Variants in RASSF2 observed in about 807,000 individuals in gnomAD.
RASSF2 encodes the protein Ras association domain family member 2.
In RASSF2, 34 loss-of-function variants were observed where a neutral mutation model predicts 46.3. The observed-to-expected ratio is 0.73, with a 90% CI of 0.56 to 0.98. RASSF2 has a LOEUF of 0.98. Among genes scored for constraint, RASSF2 ranks in the 50% least tolerant of loss-of-function variants. The pLI is 0.00. For synonymous variants in RASSF2, 158 were observed against 162.5 expected (o/e 0.97, Z 0.21); for missense variants, 364 against 431.2 (o/e 0.84, Z 1.38).
At chr20:4,818,575 A>C (rs900626346) in intron 2 of RASSF2, among the ~76,000 whole-genome samples, 3 of 152,228 alleles carry the variant, frequency 2.0e-5, no homozygotes, top group Non-Finnish European at 4.4e-5. Context: ...AGTCAGCCAT[A>C]GTGGGAATAT....
intron 2 of RASSF2, among the ~76,000 whole-genome samples, chr20:4,811,635 A>G (rs1927826985): frequency 6.6e-6 from 1 of 152,070 alleles, no homozygotes; most frequent in South Asian, 2.1e-4. Flanking sequence ...TACTACTAAT[A>G]TTTCCAAGGA....
chr20:4,818,355 C>T (rs1007437689), intron 2 of RASSF2, among the ~76,000 whole-genome samples: 4 of 152,110 alleles, frequency 2.6e-5, no homozygotes, highest in African/African-American at 4.8e-5. Flanking sequence ...TTTGGGGCAG[C>T]GCTTGAACAT....
intron 2 of RASSF2, among the ~76,000 whole-genome samples, chr20:4,803,400 C>G (rs1469507409): frequency 6.6e-6 from 1 of 152,112 alleles, no homozygotes; most frequent in African/African-American, 2.4e-5. Flanking sequence ...CCTGTTGATA[C>G]CTTGATGTTA....
intron 4 of RASSF2, among the ~76,000 whole-genome samples, chr20:4,797,272 C>G (rs1056625033): frequency 6.6e-6 from 1 of 152,176 alleles, no homozygotes; most frequent in African/African-American, 2.4e-5. Context: ...ATACTGTCCC[C>G]AAGCAACCTG....
chr20:4,805,332 G>A (rs1165480468), intron 2 of RASSF2, among the ~76,000 whole-genome samples: 1 of 152,052 alleles, frequency 6.6e-6, no homozygotes, highest in Non-Finnish European at 1.5e-5. Context: ...TGCAGCAGAG[G>A]GAGAAATCTG....
At position 4,802,670 on chromosome 20, in the gene RASSF2, G is replaced by A. The variant is rs552625470; in HGVS notation, c.-32-1608C>T. 9.2e-5 allele frequency among the ~76,000 whole-genome samples: 14 copies of A among 152,120 alleles called. No individual in the cohort carries two copies. In the South Asian group the frequency reaches 2.9e-3, roughly 32 times the overall value. ...TGATTCTTCAAAAAGTAGAACGGTG[G>A]TTGCCAGAGGCTGGGAAGAAGGGGA... On this transcript the variant is annotated intron_variant, in intron 2 of 11. Coordinates refer to ENST00000379400, the MANE Select transcript of RASSF2 (RefSeq NM_014737.3).
chr20:4,809,357 C>A (rs1188908562), intron 2 of RASSF2, among the ~76,000 whole-genome samples: 3 of 152,104 alleles, frequency 2.0e-5, no homozygotes, highest in African/African-American at 7.2e-5. Context: ...TGTGCCCATG[C>A]TCCCCCTCAG....
At position 4,806,865 on chromosome 20, in the gene RASSF2, T is replaced by C. The variant is rs546626298; in HGVS notation, c.-32-5803A>G. On this transcript the variant is annotated intron_variant, in intron 2 of 11. Coordinates refer to ENST00000379400, the MANE Select transcript of RASSF2 (RefSeq NM_014737.3). The stretch of plus-strand genomic sequence containing the variant: ...TCCAGCTAATCTTCTAACTCACCAA[T>C]TGAATTTTCTCCAGGACTCTCTCTT... Among the ~76,000 whole-genome samples the C allele has an allele frequency of 1.2e-4, 19 of 152,340 alleles. No individual in the cohort carries two copies. In the South Asian group the frequency reaches 1.4e-3, roughly 12 times the overall value.
At chr20:4,819,423 G>C (rs1384495128) in intron 2 of RASSF2, among the ~76,000 whole-genome samples, 2 of 152,208 alleles carry the variant, frequency 1.3e-5, no homozygotes, top group South Asian at 2.1e-4. Context: ...TACTTGAGAT[G>C]AGGAAGTGAG....
intron 11 of RASSF2, among the ~76,000 whole-genome samples, chr20:4,784,840 G>T (rs2422980): frequency 6.6e-6 from 1 of 151,864 alleles, no homozygotes; most frequent in South Asian, 2.1e-4. Flanking sequence ...TGCAGAAGAG[G>T]CCATAGCAGC....
Position 4,798,090 on chromosome 20 carries a change from G to A in RASSF2, c.60-5C>T. 6.2e-7 allele frequency: 1 copy of A among 1,613,518 alleles called. No individual in the cohort carries two copies. Among genetic ancestry groups the A allele is most frequent in the Non-Finnish European group, 8.5e-7 (1 of 1,179,636 alleles). ...AGATGCAAGAGAAGTTCATTTCTTA[G>A]GGGGAAAAATAGAAGAGATATAACA... On this transcript the variant is annotated splice_polypyrimidine_tract_variant and splice_region_variant and intron_variant, in intron 3 of 11. Transcript: ENST00000379400.
chr20:4,790,710 C>T lies in RASSF2; in HGVS notation c.377-99G>A. 2.4e-6 allele frequency: 2 copies of T among 829,700 alleles called. No individual in the cohort carries two copies. The highest frequency in any genetic ancestry group is 3.5e-6 in the Non-Finnish European group (2 of 572,766). 51.4% of individuals were successfully genotyped at this position (829,700 alleles called of 1,614,324 possible). A position where few individuals can be genotyped will look rare whatever the true frequency, so the allele number is the denominator to read the frequency against. ...AGTGCGACAGCACCCACTGTCTCCA[C>T]AAATATATATTTTATACAAATAATA... On this transcript the variant is annotated intron_variant, in intron 6 of 11. Coordinates refer to ENST00000379400, the MANE Select transcript of RASSF2 (RefSeq NM_014737.3). This position sits in a 1 kb window ranked among gnomAD's most constrained non-coding sequence, Gnocchi z 4.3.
chr20:4,789,561 AC>A, intron 8 of RASSF2, 34 bp downstream of exon 8: 1 of 1,542,046 alleles, frequency 6.5e-7, no homozygotes. Context: ...CACAGCTGTG[AC>A]CCCATCTGTG....
chr20:4,810,371 C>T lies in RASSF2; in HGVS notation c.-32-9309G>A, dbSNP rs370440758. ...CTCAGCTTCCTGAGAGGAGAGCACA[C>T]ACCAAGTTCTCAAGACGCTCTAGGA... is the stretch of plus-strand genomic sequence containing the variant. On this transcript the variant is annotated intron_variant, in intron 2 of 11. Transcript: ENST00000379400. 2.0e-5 allele frequency among the ~76,000 whole-genome samples: 3 copies of T among 152,214 alleles called. No homozygotes were observed. The South Asian group carries it at 6.2e-4, about 31-fold the overall frequency.
intron 2 of RASSF2, among the ~76,000 whole-genome samples, chr20:4,807,658 A>G (rs1248903766): frequency 6.6e-6 from 1 of 152,108 alleles, no homozygotes; most frequent in Non-Finnish European, 1.5e-5. Context: ...GCCACTCTCT[A>G]CCTGTTGGGT....
At chr20:4,786,093 T>C in intron 11 of RASSF2, 138 bp downstream of exon 11, 1 of 711,336 alleles carries the variant, frequency 1.4e-6, no homozygotes, top group Non-Finnish European at 2.4e-6. Context: ...TCCAGGTTTG[T>C]CAATGGGCAG....
At chr20:4,801,882 G>A (rs1317083504) in intron 2 of RASSF2, among the ~76,000 whole-genome samples, 2 of 152,028 alleles carry the variant, frequency 1.3e-5, no homozygotes, top group African/African-American at 2.4e-5. Context: ...GGAACTACAG[G>A]TGCCCGCCAT....
At chr20:4,784,405 C>G in intron 11 of RASSF2, 63 bp from the exon 12 acceptor site, 2 of 1,511,926 alleles carry the variant, frequency 1.3e-6, no homozygotes, top group Non-Finnish European at 1.8e-6. Flanking sequence ...CCAGGACCTT[C>G]CCGGCCACCT....
At chr20:4,819,889 G>A (rs1928578965) in intron 2 of RASSF2, among the ~76,000 whole-genome samples, 1 of 152,244 alleles carries the variant, frequency 6.6e-6, no homozygotes. Context: ...CCACAGGAAT[G>A]GATGAGAGGG....
Sources: allele counts gnomAD v4.1 joint callset (sites outside exome capture counted in the v4.1 genomes callset), GRCh38; gene constraint gnomAD v4.1.1; non-coding constraint Gnocchi (gnomAD v3.1); transcripts MANE v1.5; gene names NCBI Gene and HGNC (gene_info 2026-07-23, HGNC 2026-07-21).